ST18: variants seen among roughly 807,000 people sequenced by gnomAD.
ST18 encodes ST18 C2H2C-type zinc finger transcription factor.
ST18 carries 50 observed loss-of-function variants against 110.0 expected under a neutral mutation model. The observed-to-expected ratio is 0.45, with a 90% CI of 0.36 to 0.58. ST18 has a LOEUF of 0.58. Among genes scored for constraint, ST18 ranks in the 20% least tolerant of loss-of-function variants. The pLI, the probability that ST18 is intolerant of heterozygous loss-of-function variation, is 0.00. For missense variants in ST18, 1,306 were observed against 1,280.1 expected (o/e 1.02, Z -0.31); for synonymous variants, 461 against 452.4 (o/e 1.02, Z -0.24).
chr8:52,347,019 A>G (rs753340468), intron 2 of ST18, among the ~76,000 whole-genome samples: 32 of 152,204 alleles, frequency 2.1e-4, no homozygotes, highest in Admixed American at 3.3e-4. Context: ...GGTGTGTAAG[A>G]AAAGAGTTCA....
At chr8:52,214,490 C>A (rs1418149506) in intron 6 of ST18, among the ~76,000 whole-genome samples, 1 of 152,158 alleles carries the variant, frequency 6.6e-6, no homozygotes, top group African/African-American at 2.4e-5. Context: ...GGCAGATGTC[C>A]TTGTCCACAA....
chr8:52,351,911 T>C (rs1820536207), intron 2 of ST18, among the ~76,000 whole-genome samples: 1 of 152,218 alleles, frequency 6.6e-6, no homozygotes, highest in African/African-American at 2.4e-5. Flanking sequence ...CTGAGAAGCG[T>C]ACTTCAATCA....
chr8:52,267,499 A>AC (rs928092509), intron 2 of ST18, among the ~76,000 whole-genome samples: 7 of 151,288 alleles, frequency 4.6e-5, no homozygotes, highest in African/African-American at 9.7e-5. Flanking sequence ...AAAAAAAAAA[A>AC]AAAAACCCAA....
At chr8:52,205,462 A>T (rs1430757668) in intron 8 of ST18, among the ~76,000 whole-genome samples, 3 of 152,196 alleles carry the variant, frequency 2.0e-5, no homozygotes, top group Non-Finnish European at 4.4e-5. Flanking sequence ...TCTTTCCTAG[A>T]TATTTTAACA....
In ST18 at chr8:52,223,178, G is replaced by A. The variant is rs150053086; in HGVS notation, c.-418-1385C>T. On this transcript the variant is annotated intron_variant, in intron 3 of 25. Transcript: ENST00000689386. ...TGGCTGCTTCATGGATGAGTACTGC[G>A]CCTGAGAAAGACAGTTCTTTAAACC... Among the ~76,000 whole-genome samples, 442 of 152,258 alleles carry A rather than the reference G, an allele frequency of 2.9e-3. 2 individuals are homozygous for A. Among genetic ancestry groups the A allele is most frequent in the African/African-American group, 9.9e-3 (410 of 41,554 alleles).
rs75610240 is a variant in ST18 at position 52,273,797 on chromosome 8, T to A, written c.-464-43720A>T. ...GCTCCAGTGTATGGACAATGCTTAA[T>A]CAGTGTGTATATCAGAAAATAAACA... On this transcript the variant is annotated intron_variant, in intron 2 of 25. Transcript: ENST00000689386. 0.012 allele frequency among the ~76,000 whole-genome samples: 1,839 copies of A among 152,320 alleles called. 77 individuals carry two copies. The East Asian group carries it at 0.13, about 11-fold the overall frequency.
intron 3 of ST18, among the ~76,000 whole-genome samples, chr8:52,227,303 A>G (rs2089828976): frequency 6.6e-6 from 1 of 152,202 alleles, no homozygotes; most frequent in South Asian, 2.1e-4. Flanking sequence ...AAGGATACAT[A>G]AAGCACAACT....
chr8:52,306,155 C>T (rs1477492854), intron 2 of ST18, among the ~76,000 whole-genome samples: 2 of 152,216 alleles, frequency 1.3e-5, no homozygotes, highest in African/African-American at 4.8e-5. Context: ...TGCTCATTCC[C>T]TCACCTCCTT....
intron 7 of ST18, among the ~76,000 whole-genome samples, chr8:52,212,408 A>AT (rs2082518423): frequency 6.6e-6 from 1 of 152,200 alleles, no homozygotes; most frequent in South Asian, 2.1e-4. Flanking sequence ...GATTCAGATT[A>AT]TTTTTTAAAT....
chr8:52,220,357 A>G (rs919827314), intron 5 of ST18, among the ~76,000 whole-genome samples: 8 of 152,174 alleles, frequency 5.3e-5, no homozygotes, highest in African/African-American at 1.7e-4. Context: ...GTACTTTTTA[A>G]AACATTGTGC....
chr8:52,371,354 T>A (rs1014691877), intron 2 of ST18, among the ~76,000 whole-genome samples: 2 of 152,218 alleles, frequency 1.3e-5, no homozygotes, highest in African/African-American at 4.8e-5. Flanking sequence ...ACTAAAAATA[T>A]ACTAGTTTTT....
At chr8:52,267,423 A>T (rs551798971) in intron 2 of ST18, among the ~76,000 whole-genome samples, 89 of 151,030 alleles carry the variant, frequency 5.9e-4, no homozygotes, top group Non-Finnish European at 1.2e-3. Flanking sequence ...GAGAAGATAT[A>T]AGTTGAAAGT....
intron 2 of ST18, among the ~76,000 whole-genome samples, chr8:52,346,695 T>C (rs1817951812): frequency 6.6e-6 from 1 of 151,680 alleles, no homozygotes; most frequent in African/African-American, 2.4e-5. Context: ...AGGAAAATAT[T>C]TTTTTTAACC....
intron 2 of ST18, among the ~76,000 whole-genome samples, chr8:52,266,974 C>G (rs56101857): frequency 2.0e-5 from 3 of 152,072 alleles, no homozygotes; most frequent in Non-Finnish European, 4.4e-5. Flanking sequence ...AAAGATTAAG[C>G]CTTAAGCTGG....
chr8:52,212,183 C>T, intron 7 of ST18, 74 bp from the exon 8 acceptor site: 1 of 1,440,562 alleles, frequency 6.9e-7, no homozygotes, highest in Non-Finnish European at 9.5e-7. Flanking sequence ...GGAAACTTTT[C>T]CCCCACCTAG....
intron 2 of ST18, among the ~76,000 whole-genome samples, chr8:52,263,694 C>T (rs2094772795): frequency 6.7e-6 from 1 of 148,730 alleles, no homozygotes; most frequent in African/African-American, 2.5e-5. Flanking sequence ...ATCCACCTAC[C>T]TCAGCCTCCC....
chr8:52,214,058 AGAGCCAGTGTCCTG>A, intron 7 of ST18, 131 bp downstream of exon 7: 2 of 806,496 alleles, frequency 2.5e-6, no homozygotes. Context: ...CTCCGTGCCA[AGAGCCAGTGTCCTG>A]GCTTGATTTG....
chr8:52,186,350 C>A (rs1324224606), intron 8 of ST18, among the ~76,000 whole-genome samples: 1 of 152,162 alleles, frequency 6.6e-6, no homozygotes, highest in African/African-American at 2.4e-5. Context: ...CAGGGAAATG[C>A]AAACACCTAC....
intron 15 of ST18, among the ~76,000 whole-genome samples, chr8:52,157,647 G>A (rs561935460): frequency 6.6e-6 from 1 of 152,220 alleles, no homozygotes; most frequent in South Asian, 2.1e-4. Flanking sequence ...TTTATTTTTA[G>A]AGGATGTATT....
Sources: allele counts gnomAD v4.1 joint callset (sites outside exome capture counted in the v4.1 genomes callset), GRCh38; gene constraint gnomAD v4.1.1; transcripts MANE v1.5; gene names NCBI Gene and HGNC (gene_info 2026-07-23, HGNC 2026-07-21).